The following GNB1 variants were observed in gnomAD, a reference collection of about 807,000 sequenced individuals.
The protein encoded by GNB1 is G protein subunit beta 1, also known as guanine nucleotide-binding protein G(I)/G(S)/G(T) subunit beta-1.
A neutral mutation model predicts 42.9 loss-of-function variants in GNB1; 2 were observed. That is an observed-to-expected ratio of 0.05 (90% CI 0.02 to 0.15). The LOEUF (loss-of-function observed/expected upper bound fraction) is 0.15, where lower values mean the gene tolerates loss of function less well. Among genes scored for constraint, GNB1 ranks in the 10% least tolerant of loss-of-function variants. The pLI, the probability that GNB1 is intolerant of heterozygous loss-of-function variation, is 1.00. For missense variants in GNB1, 193 were observed against 462.2 expected (o/e 0.42, Z 5.34); for synonymous variants, 183 against 174.7 (o/e 1.05, Z -0.38).
chr1:1,884,284 A>G (rs1650024840), intron 1 of GNB1, among the ~76,000 whole-genome samples: 1 of 152,056 alleles, frequency 6.6e-6, no homozygotes, highest in Non-Finnish European at 1.5e-5. Flanking sequence ...TATTTTTAGT[A>G]GAGATGGGGT....
At chr1:1,869,169 GA>G (rs1409956230) in intron 1 of GNB1, among the ~76,000 whole-genome samples, 4 of 100,498 alleles carry the variant, frequency 4.0e-5, no homozygotes, top group Non-Finnish European at 5.3e-5. Flanking sequence ...CTGGGCAACA[GA>G]GCAAGACACC....
intron 5 of GNB1, among the ~76,000 whole-genome samples, chr1:1,807,777 G>A (rs1249355773): frequency 6.6e-6 from 1 of 150,574 alleles, no homozygotes; most frequent in South Asian, 2.1e-4. Flanking sequence ...GCGCCATCTC[G>A]GCTCACTGCA....
Position 1,792,466 on chromosome 1 carries a change from C to T in GNB1, c.497+779G>A, listed in dbSNP as rs146559895. Among the ~76,000 whole-genome samples the T allele has an allele frequency of 6.3e-3, 950 of 151,582 alleles. 8 individuals are homozygous for T. The highest frequency in any genetic ancestry group is 0.01 in the Non-Finnish European group (712 of 67,842). On this transcript the variant is annotated intron_variant, in intron 8 of 11. Transcript: ENST00000378609. ...TAATCCCAGCACTTTCAGAGGCTGA[C>T]GCAGGCAGATCACGAGGTCAACGGA...
chr1:1,882,449 A>G (rs187158897), intron 1 of GNB1, among the ~76,000 whole-genome samples: 11,321 of 135,358 alleles, frequency 0.084, 441 homozygotes, highest in Middle Eastern at 0.19. Flanking sequence ...AAAAAAAAAA[A>G]AGAGAGAAGG....
At chr1:1,870,746 C>G (rs1649202400) in intron 1 of GNB1, among the ~76,000 whole-genome samples, 1 of 152,066 alleles carries the variant, frequency 6.6e-6, no homozygotes, top group African/African-American at 2.4e-5. Flanking sequence ...ACCAGCCTGA[C>G]CAACAGGGTG....
At chr1:1,838,740 G>A (rs544705500) in intron 2 of GNB1, among the ~76,000 whole-genome samples, 1 of 152,116 alleles carries the variant, frequency 6.6e-6, no homozygotes, top group South Asian at 2.1e-4. Context: ...CACCGCACCC[G>A]GCCATATATT....
chr1:1,856,888 G>T (rs1648334709), intron 1 of GNB1, among the ~76,000 whole-genome samples: 1 of 152,158 alleles, frequency 6.6e-6, no homozygotes, highest in Non-Finnish European at 1.5e-5. Context: ...CAAGAAAAAG[G>T]CTCTTGTACT....
intron 1 of GNB1, among the ~76,000 whole-genome samples, chr1:1,854,109 G>A (rs980695813): frequency 1.3e-5 from 2 of 152,154 alleles, no homozygotes; most frequent in Non-Finnish European, 2.9e-5. Context: ...GGTCGAGGAA[G>A]GCATTAAGCG....
intron 5 of GNB1, among the ~76,000 whole-genome samples, chr1:1,812,590 A>T (rs977686173): frequency 1.3e-5 from 2 of 152,082 alleles, no homozygotes; most frequent in Admixed American, 1.3e-4. Flanking sequence ...TTATACAACA[A>T]ATGCCATGCA....
At chr1:1,827,743 C>T (rs1647019031) in intron 2 of GNB1, among the ~76,000 whole-genome samples, 1 of 152,140 alleles carries the variant, frequency 6.6e-6, no homozygotes, top group South Asian at 2.1e-4. Context: ...TTATATTATG[C>T]ACACAATTTT....
chr1:1,828,579 A>T lies in GNB1; in HGVS notation c.-46-3080T>A, dbSNP rs527638296. Among the ~76,000 whole-genome samples the T allele has an allele frequency of 3.9e-4, 60 of 152,300 alleles. No individual in the cohort carries two copies. The Middle Eastern group carries it at 0.01, about 26-fold the overall frequency. ...ACTTAGTGACCTCACAAAATTTCAG[A>T]AGTAGTAATGCCAAAACTCGCTAAC... On this transcript the variant is annotated intron_variant, in intron 2 of 11. Coordinates refer to ENST00000378609, the MANE Select transcript of GNB1 (RefSeq NM_002074.5).
At chr1:1,830,614 G>A (rs1647063284) in intron 2 of GNB1, among the ~76,000 whole-genome samples, 1 of 151,958 alleles carries the variant, frequency 6.6e-6, no homozygotes, top group South Asian at 2.1e-4. Flanking sequence ...GGTGGAGTGA[G>A]TGGCATGATC....
intron 3 of GNB1, among the ~76,000 whole-genome samples, chr1:1,822,152 T>C (rs1283345949): frequency 6.6e-6 from 1 of 152,134 alleles, no homozygotes; most frequent in Non-Finnish European, 1.5e-5. Context: ...TCCACCCGTT[T>C]CTTTTCATTC....
intron 1 of GNB1, among the ~76,000 whole-genome samples, chr1:1,864,457 G>A (rs1208907141): frequency 1.3e-5 from 2 of 151,670 alleles, no homozygotes; most frequent in Middle Eastern, 3.4e-3. Flanking sequence ...TAAAACGGCC[G>A]CAATGATACT....
intron 1 of GNB1, among the ~76,000 whole-genome samples, chr1:1,856,088 T>C (rs1648281306): frequency 6.6e-6 from 1 of 152,216 alleles, no homozygotes; most frequent in Non-Finnish European, 1.5e-5. Context: ...AGTGGCACCA[T>C]CATAGCTCAC....
intron 5 of GNB1, among the ~76,000 whole-genome samples, chr1:1,812,752 T>A (rs914906806): frequency 6.6e-6 from 1 of 152,156 alleles, no homozygotes; most frequent in Non-Finnish European, 1.5e-5. Context: ...CCTGGGGCTT[T>A]CAAGGCACAA....
chr1:1,853,291 A>G (rs1223783775), intron 1 of GNB1, among the ~76,000 whole-genome samples: 1 of 152,022 alleles, frequency 6.6e-6, no homozygotes, highest in Non-Finnish European at 1.5e-5. Flanking sequence ...GTCTTCAAAT[A>G]CTCCTCCTAC....
chr1:1,803,336 G>C (rs1031237777), intron 7 of GNB1, among the ~76,000 whole-genome samples: 1 of 152,142 alleles, frequency 6.6e-6, no homozygotes, highest in African/African-American at 2.4e-5. Context: ...TCTCGCTTTC[G>C]CCCAGCCTGG....
chr1:1,861,465 A>G (rs1648623382), intron 1 of GNB1, among the ~76,000 whole-genome samples: 1 of 151,836 alleles, frequency 6.6e-6, no homozygotes, highest in Non-Finnish European at 1.5e-5. Context: ...AAAAATAATA[A>G]TAATAATAAT....
Sources: gnomAD v4.1 joint callset for allele counts (sites outside exome capture counted in the v4.1 genomes callset) on GRCh38, gnomAD v4.1.1 for gene constraint, MANE v1.5 for transcripts, NCBI Gene and HGNC (gene_info 2026-07-23, HGNC 2026-07-21) for gene names.